GDF7: variants seen among roughly 807,000 people sequenced by gnomAD.
GDF7 encodes growth/differentiation factor 7.
In GDF7, 12 loss-of-function variants were observed where a neutral mutation model predicts 13.4. The observed-to-expected ratio is 0.90, with a 90% confidence interval of 0.57 to 1.45. GDF7 has a LOEUF of 1.45. Ranked by LOEUF, GDF7 falls within the 40% of genes most tolerant of loss-of-function variation. GDF7 has a pLI of 0.00. For synonymous variants in GDF7, 330 were observed against 306.4 expected (o/e 1.08, Z -0.80); for missense variants, 651 against 652.4 (o/e 1.00, Z 0.02).
At position 20,670,915 on chromosome 2, in the gene GDF7, C is replaced by G; in HGVS notation, c.843C>G (p.Phe281Leu). The G allele has an allele frequency of 1.3e-6, 2 of 1,567,118 alleles. No homozygotes were observed. The highest frequency in any genetic ancestry group is 1.7e-6 in the Non-Finnish European group (2 of 1,165,664). ...SSRTQRKESL[F>L]REIRAQARAL... ...GCACGCAGAGGAAAGAGAGCTTATT[C>G]CGGGAGATCCGCGCCCAGGCCCGCG... Residue 281 changes from phenylalanine (F) to leucine (L), a missense_variant, in exon 2 of 2, where the codon TTC (phenylalanine) becomes TTG (leucine). Phe to Leu is a conservative substitution (Grantham distance 22). This residue lies in a region of GDF7 where 487 missense variants were observed against 445.9 expected (regional missense o/e 1.09). Coordinates refer to ENST00000272224, the MANE Select transcript of GDF7 (RefSeq NM_182828.4).
At chr2:20,669,846 G>A (rs903434345) in intron 1 of GDF7, among the ~76,000 whole-genome samples, 2 of 152,238 alleles carry the variant, frequency 1.3e-5, no homozygotes, top group African/African-American at 4.8e-5. Context: ...GAATTCTCCC[G>A]GACGAATCGC....
rs763366429 is a variant in GDF7 at position 20,670,969 on chromosome 2, G to A, written c.897G>A (p.Pro299=). Residue 299 remains proline (P), a synonymous_variant, in exon 2 of 2, where the codon CCG becomes CCA. Coordinates refer to ENST00000272224, the MANE Select transcript of GDF7 (RefSeq NM_182828.4). ...TCGGGGCCGCTCTGGCCTCAGAGCC[G>A]CTGCCCGACCCAGGAACCGGCACCG... The part of the protein sequence containing the change: ...RALGAALASE[P]LPDPGTGTAS... 8.3e-6 allele frequency: 13 copies of A among 1,558,268 alleles called. No homozygotes were observed. The highest frequency in any genetic ancestry group is 3.5e-5 in the Admixed American group (2 of 56,544).
chr2:20,667,268 G>A lies in GDF7; in HGVS notation c.29G>A (p.Cys10Tyr). The change falls in exon 1 of 2, where the codon TGC becomes TAC. Residue 10 changes from cysteine (C) to tyrosine (Y), a missense_variant. Physicochemically the swap from Cys to Tyr is radical, Grantham distance 194. Transcript: ENST00000272224. The surrounding 1 kb of genome is among the most constrained non-coding windows in gnomAD (Gnocchi z 6.4). Reference sequence around the variant, plus strand: ...GACCTGAGCGCCGCCGCCGCGCTGTGCCTTTGGCTGCTGAGCGCCTGCCGC... The same window carrying A: ...GACCTGAGCGCCGCCGCCGCGCTGTACCTTTGGCTGCTGAGCGCCTGCCGC... Reference protein sequence around the residue: MDLSAAAALCLWLLSACRPR... With the variant: MDLSAAAALYLWLLSACRPR... 4 of 1,239,106 alleles carry A rather than the reference G, an allele frequency of 3.2e-6. No homozygotes were observed. Among genetic ancestry groups the A allele is most frequent in the Admixed American group, 3.6e-5 (1 of 27,484 alleles). 76.8% of individuals were successfully genotyped at this position (1,239,106 alleles called of 1,614,324 possible).
intron 1 of GDF7, 25 bp from the exon 2 acceptor site, chr2:20,670,439 C>G: frequency 6.7e-7 from 1 of 1,500,556 alleles, no homozygotes; most frequent in Non-Finnish European, 8.9e-7. Context: ...AGCTCTTTCT[C>G]TCTGTCCCTG....
intron 1 of GDF7, among the ~76,000 whole-genome samples, chr2:20,668,198 C>T (rs1020775110): frequency 1.3e-5 from 2 of 152,152 alleles, no homozygotes; most frequent in South Asian, 2.1e-4. Context: ...GTGCCCTGCT[C>T]AGCAGGTTGG....
chr2:20,671,722 G>A lies in GDF7; in HGVS notation c.*297G>A, dbSNP rs1368954773. On this transcript the variant is annotated 3_prime_UTR_variant, in exon 2 of 2. Transcript: ENST00000272224. ...TGCCCCCATTTAGGGAGAGGAAGGT[G>A]TTTGTGCTGATGTTGCAGTTAGAGG... 1 of 378,494 alleles carries A rather than the reference G, an allele frequency of 2.6e-6. No individual in the cohort carries two copies. Among genetic ancestry groups the A allele is most frequent in the Non-Finnish European group, 4.9e-6 (1 of 206,014 alleles). The allele number at this position is 378,494 out of a possible 1,614,324, so 23.4% of individuals were successfully genotyped here.
At position 20,678,489 on chromosome 2, in the gene GDF7, T is replaced by C. The variant is rs190375639; in HGVS notation, c.*7064T>C. 4.6e-5 allele frequency: 7 copies of C among 152,374 alleles called. No individual in the cohort carries two copies. In the East Asian group the frequency reaches 9.6e-4, roughly 21 times the overall value. The allele number at this position is 152,374 out of a possible 1,614,324, so 9.4% of individuals were successfully genotyped here. A position where few individuals can be genotyped will look rare whatever the true frequency, so the allele number is the denominator to read the frequency against. ...AAAGTTTGGACTGTCTTTTTCTTTTTGTATACAAATAAAGCAGCAGATCCT... is the reference window on the plus strand; with the variant it reads ...AAAGTTTGGACTGTCTTTTTCTTTTCGTATACAAATAAAGCAGCAGATCCT... On this transcript the variant is annotated 3_prime_UTR_variant, in exon 2 of 2. Coordinates refer to ENST00000272224, the MANE Select transcript of GDF7 (RefSeq NM_182828.4).
rs1375735214 is a variant in GDF7, at chr2:20,667,815, T to C, written c.391+185T>C. Among the ~76,000 whole-genome samples, 1 of 151,598 alleles carries C rather than the reference T, an allele frequency of 6.6e-6. No individual in the cohort carries two copies. Among genetic ancestry groups the C allele is most frequent in the South Asian group, 2.1e-4 (1 of 4,820 alleles). Reference sequence around the variant, plus strand: ...CGCTGCACCTGGACTGTGGCGAGAGTCGCGGCAGCTCCCGGGGCCCAGTCC... The same window carrying C: ...CGCTGCACCTGGACTGTGGCGAGAGCCGCGGCAGCTCCCGGGGCCCAGTCC... On this transcript the variant is annotated intron_variant, in intron 1 of 1. Coordinates refer to ENST00000272224, the MANE Select transcript of GDF7 (RefSeq NM_182828.4). This position sits in a 1 kb window ranked among gnomAD's most constrained non-coding sequence, Gnocchi z 6.4.
In GDF7 at chr2:20,672,120, CCCCCG is replaced by C. The variant is rs1662137416; in HGVS notation, c.*698_*702del. The C allele has an allele frequency of 1.0e-5, 1 of 96,630 alleles. No homozygotes were observed. 6.0% of individuals were successfully genotyped at this position (96,630 alleles called of 1,614,324 possible). On this transcript the variant is annotated 3_prime_UTR_variant, in exon 2 of 2. Transcript: ENST00000272224. ...GTCGGTACCGCCACCCCCCCCCCCC[CCCCCG>C]CCTTTTTTTTTTTTTTTTTTAATCA...
In GDF7 at chr2:20,668,710, A is replaced by G. The variant is rs546129316; in HGVS notation, c.391+1080A>G. Among the ~76,000 whole-genome samples, 532 of 152,300 alleles carry G rather than the reference A, an allele frequency of 3.5e-3. 7 individuals are homozygous for G. Among genetic ancestry groups the G allele is most frequent in the African/African-American group, 0.012 (510 of 41,568 alleles). ...CAGAGGCCTTGCAAGTGACCAGGTCATCCATCCCTGCCAGCACATGCCCAG... is the reference window on the plus strand; with the variant it reads ...CAGAGGCCTTGCAAGTGACCAGGTCGTCCATCCCTGCCAGCACATGCCCAG... On this transcript the variant is annotated intron_variant, in intron 1 of 1. Coordinates refer to ENST00000272224, the MANE Select transcript of GDF7 (RefSeq NM_182828.4).
chr2:20,667,984 A>G lies in GDF7; in HGVS notation c.391+354A>G, dbSNP rs7594056. On this transcript the variant is annotated intron_variant, in intron 1 of 1. Transcript: ENST00000272224. This position sits in a 1 kb window ranked among gnomAD's most constrained non-coding sequence, Gnocchi z 6.4. ...GAGCCCTCAGAGAAGAAAGGAGGGC[A>G]AGAGCTGTGTTCCCGGGAGTCACGG... is the stretch of plus-strand genomic sequence containing the variant. Among the ~76,000 whole-genome samples, 112,916 of 152,142 alleles carry G rather than the reference A, an allele frequency of 0.74. 42,192 individuals are homozygous for G. Among genetic ancestry groups the G allele is most frequent in the South Asian group, 0.89 (4,273 of 4,820 alleles).
In GDF7 at chr2:20,674,911, T is replaced by C. The variant is rs951149789; in HGVS notation, c.*3486T>C. On this transcript the variant is annotated 3_prime_UTR_variant, in exon 2 of 2. Coordinates refer to ENST00000272224, the MANE Select transcript of GDF7 (RefSeq NM_182828.4). ...TGGAACAGGAGGGAGTGTAATTCAATCCCTACACATTGTATATGCTGTTGG... is the reference window on the plus strand; with the variant it reads ...TGGAACAGGAGGGAGTGTAATTCAACCCCTACACATTGTATATGCTGTTGG... The C allele has an allele frequency of 6.6e-6, 1 of 152,186 alleles. No individual in the cohort carries two copies. Among genetic ancestry groups the C allele is most frequent in the Non-Finnish European group, 1.5e-5 (1 of 68,026 alleles). 9.4% of individuals were successfully genotyped at this position (152,186 alleles called of 1,614,324 possible).
Position 20,671,155 on chromosome 2 carries a change from C to A in GDF7, c.1083C>A (p.Leu361=), listed in dbSNP as rs1247520712. The change falls in exon 2 of 2, where the codon CTC becomes CTA. Residue 361 remains leucine (L), a synonymous_variant. Coordinates refer to ENST00000272224, the MANE Select transcript of GDF7 (RefSeq NM_182828.4). The part of the protein sequence containing the change: ...RKPLHVDFKE[L]GWDDWIIAPL... ...CGTTGCACGTGGACTTCAAGGAGCT[C>A]GGCTGGGACGACTGGATCATCGCGC... The A allele has an allele frequency of 6.2e-7, 1 of 1,612,860 alleles. No individual in the cohort carries two copies. Among genetic ancestry groups the A allele is most frequent in the Admixed American group, 1.7e-5 (1 of 59,952 alleles).
rs777020676 is a variant in GDF7 at position 20,674,066 on chromosome 2, G to A, written c.*2641G>A. On this transcript the variant is annotated 3_prime_UTR_variant, in exon 2 of 2. Coordinates refer to ENST00000272224, the MANE Select transcript of GDF7 (RefSeq NM_182828.4). ...GCAGACGGCTTTTTGCTGCTAAGAT[G>A]TGGTTTAACTAGCATTGCCAAGGTG... The A allele has an allele frequency of 6.6e-6, 1 of 152,250 alleles. No homozygotes were observed. The highest frequency in any genetic ancestry group is 1.5e-5 in the Non-Finnish European group (1 of 68,048). The allele number at this position is 152,250 out of a possible 1,614,324, so 9.4% of individuals were successfully genotyped here.
rs1187972567 is a variant in GDF7 at position 20,672,927 on chromosome 2, A to C, written c.*1502A>C. ...TTTTGTCAATAGGCTGGGAGAGGGA[A>C]CCTAGTTGGACTCCAGCTGTCCGGG... is the stretch of plus-strand genomic sequence containing the variant. On this transcript the variant is annotated 3_prime_UTR_variant, in exon 2 of 2. Coordinates refer to ENST00000272224, the MANE Select transcript of GDF7 (RefSeq NM_182828.4). 1 of 151,718 alleles carries C rather than the reference A, an allele frequency of 6.6e-6. No individual in the cohort carries two copies. The highest frequency in any genetic ancestry group is 1.5e-5 in the Non-Finnish European group (1 of 67,966). The allele number at this position is 151,718 out of a possible 1,614,324, so 9.4% of individuals were successfully genotyped here. A position where few individuals can be genotyped will look rare whatever the true frequency, so the allele number is the denominator to read the frequency against.
intron 1 of GDF7, among the ~76,000 whole-genome samples, chr2:20,668,005 C>G (rs1319249365): frequency 1.3e-5 from 2 of 152,228 alleles, no homozygotes; most frequent in African/African-American, 4.8e-5. Context: ...TCCCGGGAGT[C>G]ACGGCGAGAG....
In GDF7 at chr2:20,673,859, A is replaced by C. The variant is rs1189213903; in HGVS notation, c.*2434A>C. On this transcript the variant is annotated 3_prime_UTR_variant, in exon 2 of 2. Coordinates refer to ENST00000272224, the MANE Select transcript of GDF7 (RefSeq NM_182828.4). ...CAGTGACTGTTCCTTCCATGGCCCC[A>C]TACCCTCAGTGTGCTCTTTGTTTAC... The C allele has an allele frequency of 2.6e-5, 4 of 152,222 alleles. No homozygotes were observed. Among genetic ancestry groups the C allele is most frequent in the Non-Finnish European group, 5.9e-5 (4 of 68,066 alleles). 9.4% of individuals were successfully genotyped at this position (152,222 alleles called of 1,614,324 possible).
rs914274145 is a variant in GDF7 at position 20,676,343 on chromosome 2, A to T, written c.*4918A>T. 2 of 152,248 alleles carry T rather than the reference A, an allele frequency of 1.3e-5. No homozygotes were observed. Among genetic ancestry groups the T allele is most frequent in the Non-Finnish European group, 2.9e-5 (2 of 68,056 alleles). 9.4% of individuals were successfully genotyped at this position (152,248 alleles called of 1,614,324 possible). A position where few individuals can be genotyped will look rare whatever the true frequency, so the allele number is the denominator to read the frequency against. ...GGACCCAAAAAGATGTTTATTTCTA[A>T]GTTTTCAGACAGCTTGGCATCTTGT... On this transcript the variant is annotated 3_prime_UTR_variant, in exon 2 of 2. Coordinates refer to ENST00000272224, the MANE Select transcript of GDF7 (RefSeq NM_182828.4).
chr2:20,671,443 G>C lies in GDF7; in HGVS notation c.*18G>C. Reference sequence around the variant, plus strand: ...GCAGGTAGCGCGAGGGCCGGGGAGGGGGCAGCCACGCGGCCGAGGATCCCC... The same window carrying C: ...GCAGGTAGCGCGAGGGCCGGGGAGGCGGCAGCCACGCGGCCGAGGATCCCC... On this transcript the variant is annotated 3_prime_UTR_variant, in exon 2 of 2. Coordinates refer to ENST00000272224, the MANE Select transcript of GDF7 (RefSeq NM_182828.4). 1 of 1,604,222 alleles carries C rather than the reference G, an allele frequency of 6.2e-7. No individual in the cohort carries two copies.
Sources: gnomAD v4.1 joint callset for allele counts (sites outside exome capture counted in the v4.1 genomes callset) on GRCh38, gnomAD v4.1.1 for gene constraint, gnomAD v4.1.1 regional missense constraint, Gnocchi (gnomAD v3.1) non-coding constraint, MANE v1.5 for transcripts, NCBI Gene and HGNC (gene_info 2026-07-23, HGNC 2026-07-21) for gene names.